Variants in ARSG observed in about 807,000 individuals in gnomAD.
ARSG encodes the protein ASG.
A neutral mutation model predicts 50.5 loss-of-function variants in ARSG; 37 were observed. That is an observed-to-expected ratio of 0.73 (90% CI 0.56 to 0.96). The LOEUF (loss-of-function observed/expected upper bound fraction) is 0.96, where lower values mean the gene tolerates loss of function less well. Ranked by LOEUF, ARSG falls within the 50% of genes least tolerant of loss-of-function variation. The pLI is 0.00. For missense variants in ARSG, 629 were observed against 675.3 expected (o/e 0.93, Z 0.76); for synonymous variants, 225 against 254.6 (o/e 0.88, Z 1.11).
intron 1 of ARSG, among the ~76,000 whole-genome samples, chr17:68,300,991 G>A (rs1253804565): frequency 1.3e-4 from 20 of 151,698 alleles, no homozygotes; most frequent in African/African-American, 3.1e-4. Context: ...GGTGGCGGGC[G>A]CCTGTAGTCC....
In ARSG at chr17:68,356,684, G is replaced by C. The variant is rs1389945893; in HGVS notation, c.584G>C (p.Cys195Ser). The change falls in exon 6 of 12, where the codon TGT becomes TCT. Residue 195 changes from cysteine (C) to serine (S), a missense_variant. Cys to Ser is a moderately radical substitution (Grantham distance 112). Coordinates refer to ENST00000621439, the MANE Select transcript of ARSG (RefSeq NM_001267727.2). ...CCACACAGGAACCTTCAAAGAGACT[G>C]TTACACTGACGTGGCCCTCCCTCTT... ...DGPSRNLQRD[C>S]YTDVALPLYE... 3.1e-6 allele frequency: 5 copies of C among 1,614,246 alleles called. No individual in the cohort carries two copies. Among genetic ancestry groups the C allele is most frequent in the Middle Eastern group, 1.6e-4 (1 of 6,062 alleles).
chr17:68,407,851 T>G (rs1331490062), intron 11 of ARSG, among the ~76,000 whole-genome samples: 1 of 152,146 alleles, frequency 6.6e-6, no homozygotes, highest in African/African-American at 2.4e-5. Flanking sequence ...CTTTTACTGA[T>G]TTGAATGCCC....
At chr17:68,407,965 G>A (rs116697217) in intron 11 of ARSG, among the ~76,000 whole-genome samples, 2,806 of 151,250 alleles carry the variant, frequency 0.019, 98 homozygotes, top group African/African-American at 0.065. Flanking sequence ...CTCAGAGGGA[G>A]TGATATCAGC....
the ARSG span, chr17:68,428,780 T>C: frequency 4.8e-6 from 7 of 1,456,804 alleles, no homozygotes; most frequent in South Asian, 6.9e-5. Context: ...GGGACAACTC[T>C]ACACGACCAG....
Position 68,356,721 on chromosome 17 carries a change from C to G in ARSG, c.621C>G (p.Leu207=), listed in dbSNP as rs2079050125. Residue 207 remains leucine (L), a synonymous_variant, in exon 6 of 12, where the codon CTC becomes CTG. Transcript: ENST00000621439. ...TDVALPLYEN[L]NIVEQPVNLS... ...TGGCCCTCCCTCTTTATGAAAACCTCAACATTGTGGAGCAGCCGGTGAACT... is the reference window on the plus strand; with the variant it reads ...TGGCCCTCCCTCTTTATGAAAACCTGAACATTGTGGAGCAGCCGGTGAACT... The G allele has an allele frequency of 6.2e-7, 1 of 1,614,202 alleles. No homozygotes were observed. Among genetic ancestry groups the G allele is most frequent in the Non-Finnish European group, 8.5e-7 (1 of 1,180,032 alleles).
intron 2 of ARSG, among the ~76,000 whole-genome samples, chr17:68,331,233 G>GTTTCTTTCTTTCTTTCTTTCTTTCTTTC (rs869049629): frequency 7.1e-5 from 6 of 84,922 alleles, no homozygotes; most frequent in African/African-American, 3.2e-4. Flanking sequence ...TTCTTTCTTT[G>GTTTCTTTCTTTCTTTCTTTCTTTCTTTC]TTTCTTTCTT....
chr17:68,438,893 C>T, the ARSG span, among the ~76,000 whole-genome samples: 1 of 152,228 alleles, frequency 6.6e-6, no homozygotes, highest in African/African-American at 2.4e-5. Context: ...AGCCATCGTG[C>T]CTGGCCTAGC....
At chr17:68,401,908 A>G (rs943569266) in intron 11 of ARSG, among the ~76,000 whole-genome samples, 1 of 152,186 alleles carries the variant, frequency 6.6e-6, no homozygotes, top group African/African-American at 2.4e-5. Flanking sequence ...TCTTAGATGT[A>G]TACTTTAGAA....
intron 1 of ARSG, chr17:68,270,747 G>A (rs782473232): frequency 3.2e-5 from 35 of 1,081,910 alleles, no homozygotes; most frequent in Admixed American, 8.1e-5. Context: ...AATATAAAAC[G>A]GCAGTAAGTT....
At chr17:68,383,818 G>A (rs747884606) in intron 8 of ARSG, among the ~76,000 whole-genome samples, 25 of 152,184 alleles carry the variant, frequency 1.6e-4, no homozygotes, top group Non-Finnish European at 3.2e-4. Flanking sequence ...ATCAAAGAGC[G>A]TCTCATTCAG....
chr17:68,379,421 A>AAT (rs2080315753), intron 8 of ARSG, among the ~76,000 whole-genome samples: 1 of 72,246 alleles, frequency 1.4e-5, no homozygotes, highest in Non-Finnish European at 2.3e-5. Flanking sequence ...GAACACTACA[A>AAT]TTTTTTTTTT....
chr17:68,392,972 C>T (rs908926539), intron 9 of ARSG, among the ~76,000 whole-genome samples: 8 of 152,170 alleles, frequency 5.3e-5, no homozygotes, highest in African/African-American at 1.9e-4. Flanking sequence ...TTCCTCTAAG[C>T]CAATGGCTGT....
chr17:68,428,936 C>T, the ARSG span: 1 of 1,612,570 alleles, frequency 6.2e-7, no homozygotes, highest in Non-Finnish European at 8.5e-7. Flanking sequence ...ACTTCTGGAT[C>T]CTAAGGGCCA....
intron 4 of ARSG, among the ~76,000 whole-genome samples, chr17:68,351,199 G>C (rs912714749): frequency 1.3e-5 from 2 of 150,640 alleles, no homozygotes; most frequent in Non-Finnish European, 3.0e-5. Flanking sequence ...TTTCTCTGTG[G>C]TTGTGGCAGC....
intron 11 of ARSG, among the ~76,000 whole-genome samples, chr17:68,402,406 G>A (rs2081510898): frequency 6.6e-6 from 1 of 151,736 alleles, no homozygotes; most frequent in African/African-American, 2.4e-5. Context: ...CACCATTCCC[G>A]GCTAATTTTT....
rs1568507024 is a variant in ARSG, at chr17:68,352,155, GAGAGAGAC to G, written c.566+477_566+484del. ...GAGAGAGACAGAGGAGAGAGAGAGA[GAGAGAGAC>G]AGAGAGAGAGAGAGAGAGAGACAGA... On this transcript the variant is annotated intron_variant, in intron 5 of 11. Transcript: ENST00000621439. Among the ~76,000 whole-genome samples, 319 of 75,668 alleles carry G rather than the reference GAGAGAGAC, an allele frequency of 4.2e-3. 14 individuals carry two copies. The highest frequency in any genetic ancestry group is 0.011 in the African/African-American group (296 of 27,326). The allele number at this position is 75,668 out of a possible 152,430, so 49.6% of individuals were successfully genotyped here.
chr17:68,426,243 G>GGC (rs754582715), downstream of ARSG: 1,039 of 934,478 alleles, frequency 1.1e-3, 20 homozygotes, highest in Admixed American at 3.0e-3. Flanking sequence ...CCTGGCGGGT[G>GGC]GGGAGCGGGG....
downstream of ARSG, among the ~76,000 whole-genome samples, chr17:68,424,156 A>G (rs1568617240): frequency 1.3e-5 from 2 of 152,240 alleles, no homozygotes; most frequent in Non-Finnish European, 1.5e-5. Flanking sequence ...GCAGCATGCC[A>G]ACAGAGGTTT....
At chr17:68,396,710 C>G (rs1199113484) in intron 10 of ARSG, among the ~76,000 whole-genome samples, 1 of 152,206 alleles carries the variant, frequency 6.6e-6, no homozygotes, top group African/African-American at 2.4e-5. Context: ...CCCCAGCAAA[C>G]CAGAACATGG....
Sources: gnomAD v4.1 joint callset for allele counts (sites outside exome capture counted in the v4.1 genomes callset) on GRCh38, gnomAD v4.1.1 for gene constraint, MANE v1.5 for transcripts, NCBI Gene and HGNC (gene_info 2026-07-23, HGNC 2026-07-21) for gene names.